Variants in PTPRG observed in about 807,000 individuals in gnomAD.
The protein encoded by PTPRG is receptor-type tyrosine-protein phosphatase gamma.
A neutral mutation model predicts 165.3 loss-of-function variants in PTPRG; 102 were observed. The ratio of observed to expected loss-of-function variants is 0.62; its 90% CI spans 0.53 to 0.73. The LOEUF (loss-of-function observed/expected upper bound fraction) is 0.73. PTPRG is among the 30% of genes least tolerant of loss of function. PTPRG has a pLI of 0.00. For synonymous variants in PTPRG, 675 were observed against 669.5 expected (o/e 1.01, Z -0.13); for missense variants, 1,866 against 1,861.4 (o/e 1.00, Z -0.05).
At chr3:62,030,900 A>C (rs901611681) in intron 4 of PTPRG, among the ~76,000 whole-genome samples, 1 of 152,226 alleles carries the variant, frequency 6.6e-6, no homozygotes, top group Non-Finnish European at 1.5e-5. Context: ...TCTAAAGCAG[A>C]TGCTTTAGAT....
At chr3:61,771,216 G>T (rs1318219909) in intron 2 of PTPRG, 1 of 152,060 alleles carries the variant, frequency 6.6e-6, no homozygotes, top group Non-Finnish European at 1.5e-5. Flanking sequence ...ACACTTTTTG[G>T]TAATGAAGCT....
At chr3:61,980,382 T>C (rs965357336) in intron 2 of PTPRG, among the ~76,000 whole-genome samples, 1 of 152,258 alleles carries the variant, frequency 6.6e-6, no homozygotes, top group East Asian at 1.9e-4. Context: ...CAGTAAAAAT[T>C]TACAGCAATG....
chr3:62,149,270 C>CT (rs11463679), intron 6 of PTPRG, among the ~76,000 whole-genome samples: 77,081 of 137,896 alleles, frequency 0.56, 23,455 homozygotes, highest in Non-Finnish European at 0.69. Flanking sequence ...AGGGAGGCCT[C>CT]TTTTTTTTTT....
At chr3:62,092,158 G>A (rs573403191) in intron 5 of PTPRG, among the ~76,000 whole-genome samples, 33 of 148,632 alleles carry the variant, frequency 2.2e-4, no homozygotes, top group African/African-American at 5.2e-4. Context: ...GACAAGGACC[G>A]GCCGGGTCCA....
intron 1 of PTPRG, among the ~76,000 whole-genome samples, chr3:61,692,588 A>T (rs1171962448): frequency 6.6e-6 from 1 of 152,108 alleles, no homozygotes; most frequent in East Asian, 1.9e-4. Context: ...GAGGCGAGGT[A>T]GGGGTGGGGC....
At chr3:61,696,230 G>T (rs959727468) in intron 1 of PTPRG, among the ~76,000 whole-genome samples, 1 of 152,144 alleles carries the variant, frequency 6.6e-6, no homozygotes, top group African/African-American at 2.4e-5. Context: ...GGCCGGGCGC[G>T]GTGACTCACG....
chr3:62,131,349 G>A (rs1312436248), intron 5 of PTPRG, among the ~76,000 whole-genome samples: 2 of 152,170 alleles, frequency 1.3e-5, no homozygotes, highest in Non-Finnish European at 2.9e-5. Context: ...GAGATGCTGA[G>A]GCTTAGGAGA....
At chr3:62,079,289 G>C (rs1256993791) in intron 5 of PTPRG, among the ~76,000 whole-genome samples, 2 of 152,172 alleles carry the variant, frequency 1.3e-5, no homozygotes, top group Non-Finnish European at 2.9e-5. Flanking sequence ...TGAGAGATCA[G>C]ATGAAAATTT....
chr3:61,651,365 CTTTTT>C (rs11372460), intron 1 of PTPRG, among the ~76,000 whole-genome samples: 8 of 147,596 alleles, frequency 5.4e-5, no homozygotes, highest in African/African-American at 1.7e-4. Flanking sequence ...TGTTAATAAT[CTTTTT>C]TTTTTTTAAG....
chr3:62,277,738 C>T, intron 26 of PTPRG, 59 bp downstream of exon 26: 1 of 1,593,722 alleles, frequency 6.3e-7, no homozygotes, highest in East Asian at 2.2e-5. Flanking sequence ...GCATAAATTA[C>T]TTTGATACTT....
At chr3:62,104,269 T>A (rs886805478) in intron 5 of PTPRG, among the ~76,000 whole-genome samples, 1 of 152,208 alleles carries the variant, frequency 6.6e-6, no homozygotes, top group Non-Finnish European at 1.5e-5. Context: ...GTGAAATGAT[T>A]GTATATAGCC....
Position 62,190,827 on chromosome 3 carries a change from T to G in PTPRG, c.1034-642T>G, listed in dbSNP as rs1699791533. Among the ~76,000 whole-genome samples the G allele has an allele frequency of 6.6e-6, 1 of 152,184 alleles. No individual in the cohort carries two copies. Among genetic ancestry groups the G allele is most frequent in the African/African-American group, 2.4e-5 (1 of 41,438 alleles). On this transcript the variant is annotated intron_variant, in intron 8 of 29. Coordinates refer to ENST00000474889, the MANE Select transcript of PTPRG (RefSeq NM_002841.4). The surrounding 1 kb of genome is among the most constrained non-coding windows in gnomAD (Gnocchi z 5.2). ...AAGGCTGTTGACCATGAGGCTGAAG[T>G]CAGGGGGACACAGTGATTAAGGATC... is the stretch of plus-strand genomic sequence containing the variant.
At chr3:62,288,397 G>A (rs1187780689) in intron 28 of PTPRG, among the ~76,000 whole-genome samples, 3 of 152,072 alleles carry the variant, frequency 2.0e-5, no homozygotes, top group Non-Finnish European at 4.4e-5. Context: ...AGAATTGGCC[G>A]GGCACGGTGA....
At chr3:61,737,727 T>C (rs1472936770) in intron 1 of PTPRG, among the ~76,000 whole-genome samples, 1 of 151,958 alleles carries the variant, frequency 6.6e-6, no homozygotes. Flanking sequence ...CTGTATTTGA[T>C]CCCCAGACGC....
chr3:61,972,119 A>G (rs1197284780), intron 2 of PTPRG, among the ~76,000 whole-genome samples: 1 of 152,256 alleles, frequency 6.6e-6, no homozygotes. Flanking sequence ...GACGGTTTAC[A>G]TATGTGTGGC....
intron 4 of PTPRG, among the ~76,000 whole-genome samples, chr3:62,004,904 A>G (rs1372955589): frequency 6.6e-6 from 1 of 152,212 alleles, no homozygotes; most frequent in Non-Finnish European, 1.5e-5. Flanking sequence ...ACATGCATCT[A>G]TCTACACATA....
intron 7 of PTPRG, among the ~76,000 whole-genome samples, chr3:62,159,554 C>A (rs1380612827): frequency 1.3e-5 from 2 of 152,094 alleles, no homozygotes; most frequent in Non-Finnish European, 2.9e-5. Flanking sequence ...GCATTTTGAT[C>A]ACCATTTTTG....
chr3:61,653,475 T>G (rs1702417123), intron 1 of PTPRG, among the ~76,000 whole-genome samples: 1 of 152,162 alleles, frequency 6.6e-6, no homozygotes, highest in Admixed American at 6.5e-5. Flanking sequence ...CATTTTTTTT[T>G]TTGTTCTAAA....
chr3:62,063,617 G>A (rs1700897456), intron 4 of PTPRG, among the ~76,000 whole-genome samples: 1 of 152,142 alleles, frequency 6.6e-6, no homozygotes, highest in Non-Finnish European at 1.5e-5. Context: ...GCTGTGTTAA[G>A]TAAATTAAAT....
Sources: allele counts gnomAD v4.1 joint callset (sites outside exome capture counted in the v4.1 genomes callset), GRCh38; gene constraint gnomAD v4.1.1; non-coding constraint Gnocchi (gnomAD v3.1); transcripts MANE v1.5; gene names NCBI Gene and HGNC (gene_info 2026-07-23, HGNC 2026-07-21).